Variants in CRACR2A observed in about 807,000 individuals in gnomAD.
CRACR2A encodes EF-hand calcium-binding domain-containing protein 4B.
Under a neutral mutation model 90.5 loss-of-function variants are expected in CRACR2A, and 79 were observed. The observed-to-expected ratio is 0.87, with a 90% CI of 0.73 to 1.05. The LOEUF is 1.05. CRACR2A is among the 50% of genes least tolerant of loss of function. The probability of loss-of-function intolerance (pLI) is 0.00; values close to 1 mark genes in which losing one functional copy is unlikely to be tolerated. For synonymous variants in CRACR2A, 338 were observed against 356.7 expected (o/e 0.95, Z 0.59); for missense variants, 823 against 897.2 (o/e 0.92, Z 1.06).
intron 15 of CRACR2A, among the ~76,000 whole-genome samples, chr12:3,631,986 G>C (rs1944384048): frequency 6.6e-6 from 1 of 152,192 alleles, no homozygotes; most frequent in African/African-American, 2.4e-5. Context: ...TCCCCACCCA[G>C]ACCTCATGCT....
intron 2 of CRACR2A, among the ~76,000 whole-genome samples, chr12:3,725,368 A>C (rs1313046281): frequency 3.3e-5 from 5 of 152,018 alleles, no homozygotes; most frequent in Admixed American, 1.3e-4. Flanking sequence ...CGGCTCTGGT[A>C]CCTCCAGGTG....
chr12:3,673,982 C>T (rs73047293), intron 6 of CRACR2A, among the ~76,000 whole-genome samples: 39 of 152,158 alleles, frequency 2.6e-4, no homozygotes, highest in African/African-American at 8.0e-4. Flanking sequence ...GCCTTCACGA[C>T]GGGCTCGTGG....
At chr12:3,638,568 C>A in intron 13 of CRACR2A, 114 bp from the exon 14 acceptor site, 1 of 1,228,714 alleles carries the variant, frequency 8.1e-7, no homozygotes, top group South Asian at 1.6e-5. Context: ...CACCTTTGGA[C>A]AAGAGCAGTC....
rs564238007 is a variant in CRACR2A, at chr12:3,713,372, A to G, written c.-117-55T>C. On this transcript the variant is annotated intron_variant, in intron 2 of 19. Transcript: ENST00000440314. ...CTTATTTTCCACTGAGGGTTACAAC[A>G]GAAGTGGCTTTATAGCAATTTTGGA... The G allele has an allele frequency of 4.4e-5, 41 of 928,352 alleles. No individual in the cohort carries two copies. In the South Asian group the frequency reaches 1.8e-3, roughly 42 times the overall value. The allele number at this position is 928,352 out of a possible 1,614,324, so 57.5% of individuals were successfully genotyped here.
chr12:3,621,329 G>A (rs12322510), intron 17 of CRACR2A, among the ~76,000 whole-genome samples: 4,962 of 151,888 alleles, frequency 0.033, 279 homozygotes, highest in African/African-American at 0.11. Flanking sequence ...CCCAACATCT[G>A]GGTCCTATGC....
chr12:3,713,248 C>G lies in CRACR2A; in HGVS notation c.-48G>C, dbSNP rs1033873653. On this transcript the variant is annotated 5_prime_UTR_variant, in exon 3 of 20. Transcript: ENST00000440314. Reference sequence around the variant, plus strand: ...GTTCGCTCACTCACCTTGCAGCTCCCGGCTCCTCGGAGGACCTGCAACTCT... The same window carrying G: ...GTTCGCTCACTCACCTTGCAGCTCCGGGCTCCTCGGAGGACCTGCAACTCT... 5.1e-6 allele frequency: 5 copies of G among 985,228 alleles called. No homozygotes were observed. The African/African-American group carries it at 8.7e-5, about 17-fold the overall frequency. The allele number at this position is 985,228 out of a possible 1,614,324, so 61.0% of individuals were successfully genotyped here. A position where few individuals can be genotyped will look rare whatever the true frequency, so the allele number is the denominator to read the frequency against.
chr12:3,631,267 C>G (rs1425098287), intron 15 of CRACR2A, among the ~76,000 whole-genome samples: 1 of 152,192 alleles, frequency 6.6e-6, no homozygotes, highest in Non-Finnish European at 1.5e-5. Context: ...TAATTGGCCT[C>G]CTGGGAAGTG....
intron 2 of CRACR2A, among the ~76,000 whole-genome samples, chr12:3,718,704 T>C (rs1474004064): frequency 6.6e-6 from 1 of 152,258 alleles, no homozygotes; most frequent in Admixed American, 6.5e-5. Context: ...TCTTTTACTT[T>C]TTTAAAACAA....
chr12:3,717,249 G>C (rs1946095777), intron 2 of CRACR2A, among the ~76,000 whole-genome samples: 2 of 152,140 alleles, frequency 1.3e-5, no homozygotes, highest in Non-Finnish European at 2.9e-5. Context: ...CCTATCCTGG[G>C]ACTTCAGAGT....
At chr12:3,665,480 C>T (rs1206148533) in intron 7 of CRACR2A, among the ~76,000 whole-genome samples, 1 of 152,186 alleles carries the variant, frequency 6.6e-6, no homozygotes, top group Admixed American at 6.5e-5. Context: ...TTGGTAATAC[C>T]TACTTCAGAT....
chr12:3,657,687 G>A (rs886918144), intron 8 of CRACR2A, among the ~76,000 whole-genome samples: 6 of 152,162 alleles, frequency 3.9e-5, no homozygotes, highest in African/African-American at 1.2e-4. Context: ...TCAGCCCCAG[G>A]GAATTTGCCT....
intron 2 of CRACR2A, among the ~76,000 whole-genome samples, chr12:3,713,772 G>A (rs1410073761): frequency 1.3e-5 from 2 of 152,232 alleles, no homozygotes; most frequent in Non-Finnish European, 2.9e-5. Flanking sequence ...AGAAGGAAAT[G>A]CAGTAGGATG....
rs757145464 is a variant in CRACR2A, at chr12:3,696,948, CCT to C, written c.50_51del (p.Gln17ArgfsTer46). On this transcript the variant is annotated frameshift_variant, in exon 4 of 20. Coordinates refer to ENST00000440314, the MANE Select transcript of CRACR2A (RefSeq NM_001144958.2). LOFTEE classifies it high-confidence loss of function. ...RVVSRPQRLG[Q>X]GSGQGPKGSG... ...CTCCCCTTTGGCCCCTGGCCAGACC[CCT>C]GACCAAGTCTCTGGGGTCTGGAGAC... 1.2e-4 allele frequency: 195 copies of C among 1,614,040 alleles called. No homozygotes were observed. The highest frequency in any genetic ancestry group is 1.6e-4 in the Non-Finnish European group (188 of 1,180,016).
At chr12:3,751,530 C>T (rs1303028268) in intron 1 of CRACR2A, among the ~76,000 whole-genome samples, 1 of 152,198 alleles carries the variant, frequency 6.6e-6, no homozygotes, top group East Asian at 1.9e-4. Flanking sequence ...GCCATCTCTC[C>T]CAGGCAGCAC....
At chr12:3,621,672 A>AAAAAAAAAAAC (rs1565460356) in intron 17 of CRACR2A, among the ~76,000 whole-genome samples, 1 of 145,712 alleles carries the variant, frequency 6.9e-6, no homozygotes, top group Non-Finnish European at 1.5e-5. Flanking sequence ...AAAAAAAAAA[A>AAAAAAAAAAAC]AAAAAAAAAC....
chr12:3,701,843 C>G (rs1291260902), intron 3 of CRACR2A, among the ~76,000 whole-genome samples: 8 of 151,976 alleles, frequency 5.3e-5, no homozygotes, highest in Admixed American at 5.2e-4. Flanking sequence ...TACCCTGATA[C>G]CAAAACTGAA....
chr12:3,742,248 G>GT (rs1181992990), intron 1 of CRACR2A, among the ~76,000 whole-genome samples: 1 of 152,220 alleles, frequency 6.6e-6, no homozygotes, highest in Non-Finnish European at 1.5e-5. Context: ...TGCTCATTCG[G>GT]TTTTGGTTGG....
At chr12:3,670,448 C>T (rs1401775348) in intron 7 of CRACR2A, among the ~76,000 whole-genome samples, 1 of 152,162 alleles carries the variant, frequency 6.6e-6, no homozygotes, top group Non-Finnish European at 1.5e-5. Context: ...CAACCTCACA[C>T]CTCCAAACTC....
intron 10 of CRACR2A, among the ~76,000 whole-genome samples, chr12:3,649,563 T>A (rs2137432874): frequency 6.6e-6 from 1 of 152,342 alleles, no homozygotes; most frequent in East Asian, 1.9e-4. Flanking sequence ...GTATCTATTA[T>A]AATCATTGAT....
Sources: gnomAD v4.1 joint callset for allele counts (sites outside exome capture counted in the v4.1 genomes callset) on GRCh38, gnomAD v4.1.1 for gene constraint, MANE v1.5 for transcripts, NCBI Gene and HGNC (gene_info 2026-07-23, HGNC 2026-07-21) for gene names.